GPC5: variants seen among roughly 807,000 people sequenced by gnomAD.
GPC5 encodes the protein glypican-5.
GPC5 carries 47 observed loss-of-function variants against 53.9 expected under a neutral mutation model. The observed-to-expected ratio is 0.87, with a 90% CI of 0.69 to 1.11. The LOEUF (loss-of-function observed/expected upper bound fraction) is 1.11, where lower values mean the gene tolerates loss of function less well. Ranked by LOEUF, GPC5 falls within the 50% of genes most tolerant of loss-of-function variation. The pLI, the probability that GPC5 is intolerant of heterozygous loss-of-function variation, is 0.00. For synonymous variants in GPC5, 286 were observed against 263.3 expected (o/e 1.09, Z -0.84); for missense variants, 748 against 713.1 (o/e 1.05, Z -0.56).
intron 6 of GPC5, among the ~76,000 whole-genome samples, chr13:92,105,150 G>A (rs1345861475): frequency 6.6e-6 from 1 of 151,800 alleles, no homozygotes; most frequent in Non-Finnish European, 1.5e-5. Context: ...TCACTTTGAT[G>A]TGAGGAAGAG....
At chr13:92,480,822 G>T (rs75285381) in intron 7 of GPC5, among the ~76,000 whole-genome samples, 1,693 of 152,290 alleles carry the variant, frequency 0.011, 19 homozygotes, top group Non-Finnish European at 0.017. Flanking sequence ...TCTTACCTGG[G>T]TGAGTTCAGT....
chr13:91,674,261 T>C (rs1400218440), intron 2 of GPC5, among the ~76,000 whole-genome samples: 1 of 152,034 alleles, frequency 6.6e-6, no homozygotes, highest in Non-Finnish European at 1.5e-5. Context: ...AGATTAGCAT[T>C]TGAATCAGTA....
At chr13:92,069,976 A>T (rs934867587) in intron 6 of GPC5, among the ~76,000 whole-genome samples, 2 of 152,194 alleles carry the variant, frequency 1.3e-5, no homozygotes, top group Non-Finnish European at 2.9e-5. Flanking sequence ...TGGAATCATG[A>T]ATCATATTAA....
At chr13:92,150,578 T>A (rs1216776091) in intron 7 of GPC5, among the ~76,000 whole-genome samples, 1 of 152,060 alleles carries the variant, frequency 6.6e-6, no homozygotes, top group Non-Finnish European at 1.5e-5. Flanking sequence ...TATAAAATCA[T>A]CTTTCATTCT....
chr13:91,927,328 C>A (rs1339403836), intron 6 of GPC5, among the ~76,000 whole-genome samples: 1 of 152,050 alleles, frequency 6.6e-6, no homozygotes, highest in East Asian at 1.9e-4. Context: ...TTTTTGCGGT[C>A]TTAATATCCT....
intron 7 of GPC5, among the ~76,000 whole-genome samples, chr13:92,806,365 C>T (rs1033678293): frequency 1.3e-5 from 2 of 152,004 alleles, no homozygotes; most frequent in Non-Finnish European, 1.5e-5. Context: ...GACTACCCGA[C>T]GTTTTCTACC....
At position 91,478,881 on chromosome 13, in the gene GPC5, T is replaced by TATATATA. The variant is rs1555312577; in HGVS notation, c.325+29959_325+29960insATATATA. 1.3e-4 allele frequency among the ~76,000 whole-genome samples: 9 copies of TATATATA among 67,516 alleles called. 1 individual carries two copies. Among genetic ancestry groups the TATATATA allele is most frequent in the African/African-American group, 5.9e-4 (9 of 15,274 alleles). 44.3% of individuals were successfully genotyped at this position (67,516 alleles called of 152,430 possible). A position where few individuals can be genotyped will look rare whatever the true frequency, so the allele number is the denominator to read the frequency against. On this transcript the variant is annotated intron_variant, in intron 2 of 7. Transcript: ENST00000377067. ...ATATACACACACATATATATACACA[T>TATATATA]TATATATATATATATATATATGCAC...
At chr13:92,820,808 A>G (rs1877648690) in intron 7 of GPC5, among the ~76,000 whole-genome samples, 1 of 152,198 alleles carries the variant, frequency 6.6e-6, no homozygotes, top group African/African-American at 2.4e-5. Flanking sequence ...TTCTATAAAC[A>G]AAGTCTTATT....
chr13:92,015,608 C>T (rs1423959103), intron 6 of GPC5, among the ~76,000 whole-genome samples: 2 of 151,990 alleles, frequency 1.3e-5, no homozygotes, highest in African/African-American at 4.8e-5. Flanking sequence ...AGTTATCTCC[C>T]GTAAGTCACA....
At chr13:92,430,324 G>A (rs146661847) in intron 7 of GPC5, among the ~76,000 whole-genome samples, 495 of 152,214 alleles carry the variant, frequency 3.3e-3, no homozygotes, top group Non-Finnish European at 6.0e-3. Flanking sequence ...ATATTTATCA[G>A]CTATTTATTT....
intron 5 of GPC5, among the ~76,000 whole-genome samples, chr13:91,892,951 A>T (rs1246046309): frequency 1.3e-5 from 2 of 152,012 alleles, no homozygotes; most frequent in South Asian, 2.1e-4. Context: ...CTAAGATATT[A>T]GATAAAATGA....
chr13:92,545,494 C>T (rs1443659695), intron 7 of GPC5, among the ~76,000 whole-genome samples: 1 of 152,180 alleles, frequency 6.6e-6, no homozygotes. Context: ...GGAATCACCA[C>T]ACTGACTTCC....
intron 2 of GPC5, among the ~76,000 whole-genome samples, chr13:91,671,780 C>CCAAAAAAAAAA (rs2035249718): frequency 3.0e-5 from 1 of 33,124 alleles, no homozygotes; most frequent in Non-Finnish European, 5.8e-5. Context: ...CAATCTGAAG[C>CCAAAAAAAAAA]AAAAAAAAAA....
intron 7 of GPC5, among the ~76,000 whole-genome samples, chr13:92,434,420 A>G (rs1294136877): frequency 1.3e-5 from 2 of 152,170 alleles, no homozygotes; most frequent in Non-Finnish European, 2.9e-5. Flanking sequence ...AAAGGTTTTT[A>G]TCAGTCAGTT....
chr13:91,956,806 T>C (rs1405803499), intron 6 of GPC5, among the ~76,000 whole-genome samples: 2 of 152,118 alleles, frequency 1.3e-5, no homozygotes, highest in Admixed American at 6.6e-5. Flanking sequence ...ACACCAGAGA[T>C]ACATTATCAG....
chr13:92,334,847 G>A (rs1052839623), intron 7 of GPC5, among the ~76,000 whole-genome samples: 4 of 152,160 alleles, frequency 2.6e-5, no homozygotes, highest in African/African-American at 7.2e-5. Flanking sequence ...AGGTCACACT[G>A]ATGCAAAAGG....
chr13:92,694,204 T>G (rs973180373), intron 7 of GPC5, among the ~76,000 whole-genome samples: 1 of 152,182 alleles, frequency 6.6e-6, no homozygotes, highest in Non-Finnish European at 1.5e-5. Flanking sequence ...GGCAGGGCCC[T>G]CATGGAGAAC....
intron 2 of GPC5, among the ~76,000 whole-genome samples, chr13:91,581,032 G>A (rs759960905): frequency 2.0e-5 from 3 of 152,156 alleles, no homozygotes; most frequent in Non-Finnish European, 4.4e-5. Flanking sequence ...AAAGCCTCTT[G>A]TAAAACCATC....
At position 92,825,604 on chromosome 13, in the gene GPC5, G is replaced by T. The variant is rs1221899921; in HGVS notation, c.1562-40678G>T. 2.6e-5 allele frequency among the ~76,000 whole-genome samples: 4 copies of T among 152,052 alleles called. No individual in the cohort carries two copies. The South Asian group carries it at 6.2e-4, about 24-fold the overall frequency. On this transcript the variant is annotated intron_variant, in intron 7 of 7. Transcript: ENST00000377067. ...GGGTATCAACTACAGCCTTAATATA[G>T]TATGTATATCAAATGAATACTGAAC...
Sources: gnomAD v4.1 joint callset for allele counts (sites outside exome capture counted in the v4.1 genomes callset) on GRCh38, gnomAD v4.1.1 for gene constraint, MANE v1.5 for transcripts, NCBI Gene and HGNC (gene_info 2026-07-23, HGNC 2026-07-21) for gene names.